TERB1: variants seen among roughly 807,000 people sequenced by gnomAD.
The protein encoded by TERB1 is telomere repeat binding bouquet formation protein 1.
A neutral mutation model predicts 92.3 loss-of-function variants in TERB1; 63 were observed. The ratio of observed to expected loss-of-function variants is 0.68; its 90% CI spans 0.56 to 0.84. The LOEUF is 0.84. Ranked by LOEUF, TERB1 falls within the 40% of genes least tolerant of loss-of-function variation. The probability of loss-of-function intolerance (pLI) is 0.00; values close to 1 mark genes in which losing one functional copy is unlikely to be tolerated. For synonymous variants in TERB1, 252 were observed against 283.9 expected (o/e 0.89, Z 1.13); for missense variants, 709 against 843.7 (o/e 0.84, Z 1.98).
chr16:66,791,163 A>G (rs2018827836), intron 3 of TERB1, 144 bp from the exon 4 acceptor site: 2 of 466,356 alleles, frequency 4.3e-6, no homozygotes, highest in East Asian at 6.7e-5. Context: ...TCCAACAACC[A>G]TGTATTTTTT....
At chr16:66,760,583 C>T (rs1371842835) in intron 16 of TERB1, among the ~76,000 whole-genome samples, 5 of 130,988 alleles carry the variant, frequency 3.8e-5, no homozygotes, top group Admixed American at 1.6e-4. Context: ...GTCAGGAGTT[C>T]GAGACCAGCC....
At chr16:66,781,119 G>A (rs1251246200) in intron 9 of TERB1, among the ~76,000 whole-genome samples, 2 of 151,364 alleles carry the variant, frequency 1.3e-5, no homozygotes, top group African/African-American at 2.4e-5. Flanking sequence ...TAGCGTGATC[G>A]TGGCTTACTG....
chr16:66,796,780 TTG>T lies in TERB1; in HGVS notation c.17_18del (p.Thr6LysfsTer9), dbSNP rs1306930023. The T allele has an allele frequency of 1.9e-5, 29 of 1,539,594 alleles. No individual in the cohort carries two copies. The highest frequency in any genetic ancestry group is 2.6e-5 in the Non-Finnish European group (29 of 1,136,378). On this transcript the variant is annotated frameshift_variant, in exon 3 of 19. Transcript: ENST00000433154. LOFTEE classifies it high-confidence loss of function. MESED[T>X]KKTQEMKTDL... ...ATCAATTTCTCACCTTGTGTTTTCT[TTG>T]TGTCTTCACTTTCCATGCTTGTCTA... is the stretch of plus-strand genomic sequence containing the variant.
At chr16:66,771,071 T>C (rs1353967140) in intron 13 of TERB1, among the ~76,000 whole-genome samples, 1 of 152,060 alleles carries the variant, frequency 6.6e-6, no homozygotes, top group African/African-American at 2.4e-5. Context: ...AGCTGAAGGA[T>C]AACTTTTAAA....
At chr16:66,758,605 G>A (rs943418825) in intron 18 of TERB1, 168 bp downstream of exon 18, 7 of 505,576 alleles carry the variant, frequency 1.4e-5, no homozygotes, top group African/African-American at 1.0e-4. Flanking sequence ...GCAGGGTGTG[G>A]TGGCACATGT....
chr16:66,792,559 T>G (rs1049298976), intron 3 of TERB1, among the ~76,000 whole-genome samples: 2 of 152,220 alleles, frequency 1.3e-5, no homozygotes, highest in African/African-American at 4.8e-5. Context: ...GTGAACTAAG[T>G]TTTCCAGATA....
chr16:66,785,685 A>T, intron 9 of TERB1, 101 bp downstream of exon 9: 1 of 1,247,800 alleles, frequency 8.0e-7, no homozygotes, highest in Non-Finnish European at 1.1e-6. Flanking sequence ...AAATAACCCA[A>T]ATTACAAGAA....
chr16:66,788,254 G>C lies in TERB1; in HGVS notation c.315C>G (p.Asp105Glu). 1 of 1,512,888 alleles carries C rather than the reference G, an allele frequency of 6.6e-7. No homozygotes were observed. The highest frequency in any genetic ancestry group is 2.4e-5 in the Admixed American group (1 of 42,226). The allele number at this position is 1,512,888 out of a possible 1,614,324, so 93.7% of individuals were successfully genotyped here. ...AATCATTAGATAAGAACCAAGTTAA[G>C]TCTTCAAACAACTCTGAAGTACACA... is the stretch of plus-strand genomic sequence containing the variant. ...QTLCTSELFEDLTWFLSNDSN... is the reference protein window; with the variant it reads ...QTLCTSELFEELTWFLSNDSN... The change falls in exon 6 of 19, where the codon GAC becomes GAG. Residue 105 changes from aspartate (D) to glutamate (E), a missense_variant. Transcript: ENST00000433154.
At chr16:66,782,549 C>CAAA (rs1021881453) in intron 9 of TERB1, among the ~76,000 whole-genome samples, 1 of 78,948 alleles carries the variant, frequency 1.3e-5, no homozygotes, top group Admixed American at 1.4e-4. Context: ...AATTCTGTCT[C>CAAA]AAAAAAAAAA....
In TERB1 at chr16:66,766,206, T is replaced by G. The variant is rs539424563; in HGVS notation, c.1780+1209A>C. 2.0e-5 allele frequency among the ~76,000 whole-genome samples: 3 copies of G among 152,112 alleles called. No homozygotes were observed. In the East Asian group the frequency reaches 5.8e-4, roughly 29 times the overall value. The stretch of plus-strand genomic sequence containing the variant: ...TTAAGATGAGGAAAAATGAGCATAG[T>G]TCAAGGTGGAACAAAAGGAGTTAAT... On this transcript the variant is annotated intron_variant, in intron 16 of 18. Transcript: ENST00000433154.
intron 10 of TERB1, among the ~76,000 whole-genome samples, chr16:66,778,076 T>C (rs1488830362): frequency 1.3e-5 from 2 of 152,348 alleles, no homozygotes; most frequent in East Asian, 3.9e-4. Flanking sequence ...TAGAGTTTCT[T>C]ACTCTTCAGT....
chr16:66,765,912 C>T (rs1418038927), intron 16 of TERB1, among the ~76,000 whole-genome samples: 8 of 131,220 alleles, frequency 6.1e-5, no homozygotes, highest in African/African-American at 2.3e-4. Context: ...TCGCCCAGGC[C>T]GGACTGCGGA....
chr16:66,788,047 C>T, intron 6 of TERB1, 122 bp downstream of exon 6: 2 of 734,070 alleles, frequency 2.7e-6, no homozygotes, highest in Non-Finnish European at 4.0e-6. Flanking sequence ...GGTGTCAGAG[C>T]AAGACTCTGT....
intron 16 of TERB1, among the ~76,000 whole-genome samples, chr16:66,760,762 T>C (rs1426231594): frequency 2.0e-3 from 144 of 73,716 alleles, no homozygotes; most frequent in African/African-American, 5.6e-3. Context: ...CCAACCTGGG[T>C]GACAGAGCGA....
intron 3 of TERB1, among the ~76,000 whole-genome samples, chr16:66,795,597 C>T (rs2018916297): frequency 6.6e-6 from 1 of 152,084 alleles, no homozygotes; most frequent in Non-Finnish European, 1.5e-5. Flanking sequence ...TTGGAGGTTT[C>T]GTAAATGGTT....
At chr16:66,770,429 T>A (rs1180698887) in intron 13 of TERB1, 120 bp from the exon 14 acceptor site, 3 of 685,846 alleles carry the variant, frequency 4.4e-6, no homozygotes, top group Non-Finnish European at 2.4e-6. Context: ...AGAACATATA[T>A]GATAAAAGGC....
At chr16:66,768,734 T>G (rs1048012143) in intron 14 of TERB1, among the ~76,000 whole-genome samples, 1 of 152,210 alleles carries the variant, frequency 6.6e-6, no homozygotes, top group Non-Finnish European at 1.5e-5. Flanking sequence ...TACGTATATT[T>G]GTAGGAGCTA....
intron 9 of TERB1, among the ~76,000 whole-genome samples, chr16:66,781,710 C>T (rs963147767): frequency 6.6e-6 from 1 of 151,846 alleles, no homozygotes; most frequent in South Asian, 2.1e-4. Flanking sequence ...TTAGGAGAGA[C>T]GGGGTTTCAC....
chr16:66,798,172 T>C lies in TERB1; in HGVS notation c.-32-1342A>G, dbSNP rs114834149. 5.8e-3 allele frequency among the ~76,000 whole-genome samples: 826 copies of C among 141,558 alleles called. 5 individuals carry two copies. The highest frequency in any genetic ancestry group is 0.021 in the African/African-American group (775 of 37,336). 92.9% of individuals were successfully genotyped at this position (141,558 alleles called of 152,430 possible). ...AGTAGTATACAAATGTACAAGTATA[T>C]TATTTTTGCCTTTTTTTTTTTTTAA... On this transcript the variant is annotated intron_variant, in intron 2 of 18. Transcript: ENST00000433154.
Sources: gnomAD v4.1 joint callset for allele counts (sites outside exome capture counted in the v4.1 genomes callset) on GRCh38, gnomAD v4.1.1 for gene constraint, MANE v1.5 for transcripts, NCBI Gene and HGNC (gene_info 2026-07-23, HGNC 2026-07-21) for gene names.